SDC3: variants seen among roughly 807,000 people sequenced by gnomAD.
SDC3 encodes syndecan-3.
Under a neutral mutation model 24.4 loss-of-function variants are expected in SDC3, and 13 were observed. The observed-to-expected ratio is 0.53, with a 90% CI of 0.35 to 0.85. The LOEUF (loss-of-function observed/expected upper bound fraction) is 0.85. SDC3 is among the 40% of genes least tolerant of loss of function. The pLI is 0.01. For synonymous variants in SDC3, 295 were observed against 260.9 expected (o/e 1.13, Z -1.26); for missense variants, 571 against 584.5 (o/e 0.98, Z 0.24).
chr1:30,880,333 C>T (rs1050988727), intron 1 of SDC3, among the ~76,000 whole-genome samples: 1 of 114,768 alleles, frequency 8.7e-6, no homozygotes, highest in Admixed American at 1.2e-4. Context: ...GACAGAGAGT[C>T]GAGGACTGAG....
chr1:30,894,155 G>C (rs1273036942), intron 1 of SDC3, among the ~76,000 whole-genome samples: 1 of 150,876 alleles, frequency 6.6e-6, no homozygotes, highest in African/African-American at 2.4e-5. Context: ...GTGATTGTGA[G>C]TGTGCGTGTG....
intron 1 of SDC3, among the ~76,000 whole-genome samples, chr1:30,902,393 G>A (rs1055336696): frequency 4.6e-5 from 7 of 152,314 alleles, no homozygotes; most frequent in Admixed American, 2.0e-4. Flanking sequence ...GAGGGGGGCC[G>A]GAAGTGAAGG....
chr1:30,887,783 G>T (rs1039069144), intron 1 of SDC3, among the ~76,000 whole-genome samples: 16 of 152,146 alleles, frequency 1.1e-4, no homozygotes, highest in South Asian at 2.1e-4. Flanking sequence ...GAATACTGTG[G>T]GTTGCATCAT....
rs1471196998 is a variant in SDC3, at chr1:30,871,301, G to A, written c.*1910C>T. The A allele has an allele frequency of 6.6e-6, 1 of 152,270 alleles. No homozygotes were observed. The highest frequency in any genetic ancestry group is 1.5e-5 in the Non-Finnish European group (1 of 68,068). The allele number at this position is 152,270 out of a possible 1,614,324, so 9.4% of individuals were successfully genotyped here. On this transcript the variant is annotated 3_prime_UTR_variant, in exon 5 of 5. Transcript: ENST00000339394. ...TTCCTGACTTGAATCTGGGATGTGG[G>A]TGAGGGGTGGGGGTGTGAGTGCCAG...
chr1:30,899,414 A>G (rs1638361278), intron 1 of SDC3, among the ~76,000 whole-genome samples: 1 of 151,024 alleles, frequency 6.6e-6, no homozygotes, highest in Admixed American at 6.6e-5. Context: ...GCGCTCTGTC[A>G]CCCAGGCGAG....
rs149490232 is a variant in SDC3 at position 30,879,108 on chromosome 1, A to C, written c.139-368T>G. 5.2e-4 allele frequency: 104 copies of C among 198,378 alleles called. No individual in the cohort carries two copies. The East Asian group carries it at 9.2e-3, about 18-fold the overall frequency. 12.3% of individuals were successfully genotyped at this position (198,378 alleles called of 1,614,324 possible). A position where few individuals can be genotyped will look rare whatever the true frequency, so the allele number is the denominator to read the frequency against. ...GGCTGGCTGTGGGGAGCCCTGGGGC[A>C]TGTGTGAGCAGGCGAGGGCTGGAAT... On this transcript the variant is annotated intron_variant, in intron 1 of 4. Transcript: ENST00000339394.
intron 1 of SDC3, among the ~76,000 whole-genome samples, chr1:30,882,310 G>C (rs1639756864): frequency 6.6e-6 from 1 of 152,118 alleles, no homozygotes; most frequent in Non-Finnish European, 1.5e-5. Context: ...GATGCCCCCT[G>C]CTTCCATTTT....
intron 1 of SDC3, among the ~76,000 whole-genome samples, chr1:30,883,098 G>T (rs1032401893): frequency 1.3e-5 from 2 of 152,186 alleles, no homozygotes; most frequent in Non-Finnish European, 2.9e-5. Context: ...AAATTGGGAT[G>T]ACTACACCCA....
In SDC3 at chr1:30,869,943, C is replaced by T; in HGVS notation, c.*3268G>A. The T allele has an allele frequency of 2.5e-6, 1 of 398,534 alleles. No homozygotes were observed. 24.7% of individuals were successfully genotyped at this position (398,534 alleles called of 1,614,324 possible). The stretch of plus-strand genomic sequence containing the variant: ...GGCACCTGGGGGATGCTGGGGCCAT[C>T]GGCTCTCAGATGGCAACTCCCAGGG... On this transcript the variant is annotated 3_prime_UTR_variant, in exon 5 of 5. Transcript: ENST00000339394.
chr1:30,892,867 AAAGTCC>A (rs1639926571), intron 1 of SDC3, among the ~76,000 whole-genome samples: 1 of 152,302 alleles, frequency 6.6e-6, no homozygotes, highest in East Asian at 1.9e-4. Context: ...TGCAGAGGTC[AAAGTCC>A]AAGTCCAAGT....
chr1:30,875,366 A>G (rs1010444347), intron 3 of SDC3, among the ~76,000 whole-genome samples: 3 of 152,130 alleles, frequency 2.0e-5, no homozygotes, highest in Non-Finnish European at 4.4e-5. Flanking sequence ...TCCGTGCCCC[A>G]TCACTGTTTC....
At chr1:30,883,036 T>C (rs1165294864) in intron 1 of SDC3, among the ~76,000 whole-genome samples, 2 of 152,194 alleles carry the variant, frequency 1.3e-5, no homozygotes, top group Non-Finnish European at 2.9e-5. Flanking sequence ...TTTCTATTAT[T>C]ATTTCGAAGC....
chr1:30,888,081 C>G (rs1639855422), intron 1 of SDC3, among the ~76,000 whole-genome samples: 1 of 152,236 alleles, frequency 6.6e-6, no homozygotes, highest in Non-Finnish European at 1.5e-5. Flanking sequence ...GGCCATTTCT[C>G]AACCAGGACT....
chr1:30,879,045 A>G, intron 1 of SDC3: 1 of 316,242 alleles, frequency 3.2e-6, no homozygotes, highest in Non-Finnish European at 6.1e-6. Flanking sequence ...TCAGTGGTTC[A>G]GTAGGTCTGG....
chr1:30,897,180 A>G (rs889872420), intron 1 of SDC3, among the ~76,000 whole-genome samples: 14 of 152,198 alleles, frequency 9.2e-5, no homozygotes, highest in Admixed American at 5.9e-4. Context: ...AGTACAGGGG[A>G]TAGTGCCCTG....
At chr1:30,907,786 C>A (rs548520733) in intron 1 of SDC3, among the ~76,000 whole-genome samples, 2 of 152,148 alleles carry the variant, frequency 1.3e-5, no homozygotes, top group East Asian at 1.9e-4. Context: ...TACCCTCACT[C>A]CCCCCTCAGG....
At chr1:30,902,792 G>C (rs1042476117) in intron 1 of SDC3, among the ~76,000 whole-genome samples, 7 of 152,220 alleles carry the variant, frequency 4.6e-5, no homozygotes, top group Admixed American at 2.6e-4. Flanking sequence ...GCAGCCCCCT[G>C]GCGCCTCCCA....
intron 1 of SDC3, among the ~76,000 whole-genome samples, chr1:30,893,222 T>C (rs1239359386): frequency 7.2e-6 from 1 of 138,724 alleles, no homozygotes; most frequent in African/African-American, 2.7e-5. Context: ...CCAGGCAGTG[T>C]GGAATGTTCC....
chr1:30,908,363 A>T, intron 1 of SDC3, 86 bp downstream of exon 1: 1 of 609,306 alleles, frequency 1.6e-6, no homozygotes, highest in Non-Finnish European at 1.8e-6. Context: ...GGGGTCCCGG[A>T]GGGGGGGTCG....
Sources: allele counts gnomAD v4.1 joint callset (sites outside exome capture counted in the v4.1 genomes callset), GRCh38; gene constraint gnomAD v4.1.1; transcripts MANE v1.5; gene names NCBI Gene and HGNC (gene_info 2026-07-23, HGNC 2026-07-21).